The following TMC7 variants were observed in gnomAD, a reference collection of about 807,000 sequenced individuals.
The protein encoded by TMC7 is transmembrane channel like 7.
Under a neutral mutation model 82.9 loss-of-function variants are expected in TMC7, and 54 were observed. The ratio of observed to expected loss-of-function variants is 0.65; its 90% CI spans 0.52 to 0.82. The LOEUF is 0.82. TMC7 is among the 40% of genes least tolerant of loss of function. The pLI, the probability that TMC7 is intolerant of heterozygous loss-of-function variation, is 0.00. For missense variants in TMC7, 820 were observed against 901.2 expected (o/e 0.91, Z 1.15); for synonymous variants, 350 against 337.9 (o/e 1.04, Z -0.39).
intron 1 of TMC7, among the ~76,000 whole-genome samples, chr16:18,996,349 A>G (rs2039043489): frequency 6.6e-6 from 1 of 152,108 alleles, no homozygotes; most frequent in Non-Finnish European, 1.5e-5. Context: ...CTAGGGAGGG[A>G]GCAATGTGTA....
At chr16:18,984,236 C>A (rs2142098704) in intron 1 of TMC7, 106 bp downstream of exon 1, 1 of 1,356,200 alleles carries the variant, frequency 7.4e-7, no homozygotes, top group East Asian at 3.1e-5. Context: ...CCCTCCCACC[C>A]CCGACGCCGG....
At chr16:19,006,914 T>C (rs1411490349) in intron 1 of TMC7, among the ~76,000 whole-genome samples, 1 of 152,152 alleles carries the variant, frequency 6.6e-6, no homozygotes, top group African/African-American at 2.4e-5. Context: ...CCTCCCAGGT[T>C]CAAGCTATTC....
At position 19,061,820 on chromosome 16, in the gene TMC7, G is replaced by A; in HGVS notation, c.2149G>A (p.Ala717Thr). 2 of 1,613,924 alleles carry A rather than the reference G, an allele frequency of 1.2e-6. No homozygotes were observed. Among genetic ancestry groups the A allele is most frequent in the Non-Finnish European group, 1.7e-6 (2 of 1,179,892 alleles). ...KCYLIQKLTE[A>T]QRDMRN Reference sequence around the variant, plus strand: ...CTACCTAATCCAGAAACTAACAGAAGCCCAAAGGGACATGAGGAACTAACT... The same window carrying A: ...CTACCTAATCCAGAAACTAACAGAAACCCAAAGGGACATGAGGAACTAACT... The change falls in exon 16 of 16, where the codon GCC becomes ACC. Residue 717 changes from alanine (A) to threonine (T), a missense_variant. Around this residue, in one of 2 missense-constraint regions of TMC7, gnomAD observed 170 missense variants for 231.3 expected, o/e 0.74. Transcript: ENST00000304381.
chr16:19,032,525 T>G (rs1960562907), intron 6 of TMC7, among the ~76,000 whole-genome samples: 1 of 146,490 alleles, frequency 6.8e-6, no homozygotes, highest in African/African-American at 2.6e-5. Flanking sequence ...ACAAAGAGTA[T>G]GAAAATATGT....
chr16:19,037,012 T>G (rs1045573166), intron 7 of TMC7, among the ~76,000 whole-genome samples: 2 of 152,238 alleles, frequency 1.3e-5, no homozygotes, highest in African/African-American at 4.8e-5. Flanking sequence ...ATGAATAGTT[T>G]ATAGTTCTGT....
At chr16:19,010,505 T>C (rs1469952574) in intron 2 of TMC7, among the ~76,000 whole-genome samples, 1 of 152,140 alleles carries the variant, frequency 6.6e-6, no homozygotes, top group Non-Finnish European at 1.5e-5. Context: ...AGTGGGGGAC[T>C]TTGCAGCCAT....
chr16:19,006,804 T>G (rs978744934), intron 1 of TMC7, among the ~76,000 whole-genome samples: 1 of 151,456 alleles, frequency 6.6e-6, no homozygotes, highest in Admixed American at 6.6e-5. Flanking sequence ...GCCCCAGGGG[T>G]TTTTTTTGTT....
In TMC7 at chr16:19,047,060, C is replaced by T; in HGVS notation, c.1554-3C>T. 1 of 1,597,784 alleles carries T rather than the reference C, an allele frequency of 6.3e-7. No homozygotes were observed. The highest frequency in any genetic ancestry group is 8.5e-7 in the Non-Finnish European group (1 of 1,172,922). ...AGCCCAAATGAGAATTGTCTGTTTC[C>T]AGGCTCCTGGTGACCTACTGTTCCT... On this transcript the variant is annotated splice_region_variant and splice_polypyrimidine_tract_variant and intron_variant, in intron 11 of 15. Coordinates refer to ENST00000304381, the MANE Select transcript of TMC7 (RefSeq NM_024847.4).
chr16:18,985,963 T>C (rs1037664919), intron 1 of TMC7, among the ~76,000 whole-genome samples: 2 of 148,252 alleles, frequency 1.3e-5, no homozygotes, highest in Non-Finnish European at 3.0e-5. Context: ...AGCCCAGGAG[T>C]TTGAGGTTAC....
intron 7 of TMC7, 107 bp downstream of exon 7, chr16:19,035,930 C>A (rs1046343315): frequency 3.8e-6 from 5 of 1,317,392 alleles, no homozygotes; most frequent in Non-Finnish European, 4.1e-6. Flanking sequence ...GACAGGTTGT[C>A]CCTGGTACTT....
At chr16:18,998,889 C>T (rs1444086607) in intron 1 of TMC7, among the ~76,000 whole-genome samples, 2 of 152,118 alleles carry the variant, frequency 1.3e-5, no homozygotes, top group African/African-American at 4.8e-5. Context: ...AGCCAGTCAC[C>T]GGCCCCACCC....
At chr16:19,037,158 G>T (rs916928541) in intron 7 of TMC7, among the ~76,000 whole-genome samples, 3 of 152,116 alleles carry the variant, frequency 2.0e-5, no homozygotes, top group African/African-American at 4.8e-5. Context: ...CACTTTGGGA[G>T]GCCGAGGCAG....
At chr16:19,016,412 CTGT>C (rs1432725546) in intron 2 of TMC7, 35 bp from the exon 3 acceptor site, 3 of 1,612,078 alleles carry the variant, frequency 1.9e-6, no homozygotes, top group South Asian at 1.1e-5. Flanking sequence ...CTTGATGCTG[CTGT>C]TGTTGTCATT....
At chr16:19,052,716 GT>G (rs962388613) in intron 13 of TMC7, among the ~76,000 whole-genome samples, 1 of 148,572 alleles carries the variant, frequency 6.7e-6, no homozygotes, top group African/African-American at 2.5e-5. Flanking sequence ...CTCAGATTTT[GT>G]TCTTTTTTTT....
At chr16:18,990,227 A>T (rs1160095413) in intron 1 of TMC7, among the ~76,000 whole-genome samples, 2 of 152,084 alleles carry the variant, frequency 1.3e-5, no homozygotes, top group South Asian at 4.1e-4. Flanking sequence ...CAATGGTGGA[A>T]TGTCATCAGT....
At chr16:19,049,744 G>A (rs1332814397) in intron 12 of TMC7, 4 of 788,164 alleles carry the variant, frequency 5.1e-6, no homozygotes, top group Non-Finnish European at 6.2e-6. Flanking sequence ...CTGCCCCGAG[G>A]CTGGGCACCA....
In TMC7 at chr16:19,049,566, A is replaced by T. The variant is rs1961432045; in HGVS notation, c.1741-2120A>T. On this transcript the variant is annotated intron_variant, in intron 12 of 15. Coordinates refer to ENST00000304381, the MANE Select transcript of TMC7 (RefSeq NM_024847.4). ...GTTGGCCGAAATCATCAAAGGAGAG[A>T]TGGACGTGAGAAAGCTCACAGGAAC... The T allele has an allele frequency of 3.2e-6, 3 of 930,824 alleles. No homozygotes were observed. The South Asian group carries it at 1.5e-4, about 46-fold the overall frequency. The allele number at this position is 930,824 out of a possible 1,614,324, so 57.7% of individuals were successfully genotyped here.
chr16:18,984,518 A>C (rs1443575731), intron 1 of TMC7: 6 of 1,030,848 alleles, frequency 5.8e-6, no homozygotes, highest in Non-Finnish European at 7.0e-6. Context: ...TTCAGCCTTC[A>C]CATACAGTTA....
At chr16:19,011,187 C>T (rs1025131611) in intron 2 of TMC7, among the ~76,000 whole-genome samples, 6 of 152,096 alleles carry the variant, frequency 3.9e-5, no homozygotes, top group Admixed American at 6.6e-5. Flanking sequence ...ACCTAACTGC[C>T]AGGAAGGCTG....
Sources: allele counts gnomAD v4.1 joint callset (sites outside exome capture counted in the v4.1 genomes callset), GRCh38; gene constraint gnomAD v4.1.1; regional missense constraint gnomAD v4.1.1; transcripts MANE v1.5; gene names NCBI Gene and HGNC (gene_info 2026-07-23, HGNC 2026-07-21).